Variants in BCAS3 observed in about 807,000 individuals in gnomAD.
BCAS3 encodes BCAS4/BCAS3 fusion.
A neutral mutation model predicts 116.1 loss-of-function variants in BCAS3; 53 were observed. The ratio of observed to expected loss-of-function variants is 0.46; its 90% CI spans 0.37 to 0.57. The LOEUF is 0.57. Among genes scored for constraint, BCAS3 ranks in the 20% least tolerant of loss-of-function variants. BCAS3 has a pLI of 0.00. For missense variants in BCAS3, 917 were observed against 1,165.4 expected, an observed-to-expected ratio of 0.79 and a Z score of 3.10; for synonymous variants, 391 against 408.2, an observed-to-expected ratio of 0.96 and a Z score of 0.51.
rs538595648 is a variant in BCAS3 at position 60,767,171 on chromosome 17, C to G, written c.403+19892C>G. On this transcript the variant is annotated intron_variant, in intron 6 of 23. Coordinates refer to ENST00000407086, the MANE Select transcript of BCAS3 (RefSeq NM_017679.5). ...CTTCCGGGGTGAGGCAATGCCCCAC[C>G]CTGCTTCGGCTCGCCCTCCGTGGGC... 1.3e-3 allele frequency among the ~76,000 whole-genome samples: 205 copies of G among 152,234 alleles called. 1 individual carries two copies. Among genetic ancestry groups the G allele is most frequent in the Non-Finnish European group, 5.3e-4 (36 of 68,020 alleles).
chr17:61,320,130 T>A (rs1222591015), intron 22 of BCAS3, among the ~76,000 whole-genome samples: 1 of 151,792 alleles, frequency 6.6e-6, no homozygotes, highest in Non-Finnish European at 1.5e-5. Flanking sequence ...CCTCAGGTGA[T>A]CCTCCCGCCT....
At chr17:61,260,836 C>A (rs1210150877) in intron 22 of BCAS3, among the ~76,000 whole-genome samples, 1 of 152,198 alleles carries the variant, frequency 6.6e-6, no homozygotes, top group East Asian at 1.9e-4. Context: ...TGTGGTTAAT[C>A]TTGGAAACAG....
intron 5 of BCAS3, among the ~76,000 whole-genome samples, chr17:60,729,664 A>G (rs909952849): frequency 2.0e-5 from 3 of 152,178 alleles, no homozygotes; most frequent in Admixed American, 6.5e-5. Flanking sequence ...TCTTTAATCA[A>G]TGGGTTAAAT....
intron 10 of BCAS3, among the ~76,000 whole-genome samples, chr17:60,894,762 GTT>G (rs1262774439): frequency 2.0e-5 from 3 of 152,092 alleles, no homozygotes; most frequent in Non-Finnish European, 4.4e-5. Flanking sequence ...TTTGTTAAGA[GTT>G]TTTATCATGA....
rs113060830 is a variant in BCAS3, at chr17:61,029,295, A to G, written c.1638-5371A>G. On this transcript the variant is annotated intron_variant, in intron 16 of 23. Transcript: ENST00000407086. The surrounding 1 kb of genome is among the most constrained non-coding windows in gnomAD (Gnocchi z 5.2). ...AACAGGTTTAGTCCTTTACATTCAT[A>G]TACTTTCAGATGAGTCGTTATAAAA... 2.6e-5 allele frequency among the ~76,000 whole-genome samples: 4 copies of G among 151,934 alleles called. No individual in the cohort carries two copies. The highest frequency in any genetic ancestry group is 9.7e-5 in the African/African-American group (4 of 41,412).
intron 23 of BCAS3, among the ~76,000 whole-genome samples, chr17:61,373,214 C>T (rs1172264245): frequency 4.0e-5 from 6 of 151,526 alleles, no homozygotes; most frequent in Admixed American, 6.6e-5. Context: ...CTCAGCTTCC[C>T]GAGTAACTGG....
intron 19 of BCAS3, among the ~76,000 whole-genome samples, chr17:61,049,794 G>A (rs1453232850): frequency 1.4e-5 from 2 of 144,946 alleles, no homozygotes; most frequent in Admixed American, 7.0e-5. Context: ...GTGCAATGGC[G>A]TGATCTCAGC....
At chr17:60,705,397 C>T (rs903528917) in intron 4 of BCAS3, among the ~76,000 whole-genome samples, 10 of 151,908 alleles carry the variant, frequency 6.6e-5, no homozygotes, top group Admixed American at 5.9e-4. Flanking sequence ...CGCCTGTAAT[C>T]CCAGCTACTT....
rs1415872365 is a variant in BCAS3, at chr17:61,087,017, G to A, written c.2425+2453G>A. 1.1e-4 allele frequency: 105 copies of A among 985,068 alleles called. No homozygotes were observed. The highest frequency in any genetic ancestry group is 1.2e-4 in the Non-Finnish European group (103 of 829,734). 61.0% of individuals were successfully genotyped at this position (985,068 alleles called of 1,614,324 possible). On this transcript the variant is annotated intron_variant, in intron 22 of 23. Coordinates refer to ENST00000407086, the MANE Select transcript of BCAS3 (RefSeq NM_017679.5). The surrounding 1 kb of genome is among the most constrained non-coding windows in gnomAD (Gnocchi z 4.6). ...ATCTAGGCTAACAAAAATCAAGGTA[G>A]CAAGTCTAACGAAATCGAGGCTAAA...
In BCAS3 at chr17:60,913,079, G is replaced by A. The variant is rs1383866053; in HGVS notation, c.993+2377G>A. Among the ~76,000 whole-genome samples the A allele has an allele frequency of 2.6e-5, 4 of 151,976 alleles. 1 individual carries two copies. Among genetic ancestry groups the A allele is most frequent in the South Asian group, 2.1e-4 (1 of 4,818 alleles). On this transcript the variant is annotated intron_variant, in intron 12 of 23. Transcript: ENST00000407086. Reference sequence around the variant, plus strand: ...AAGTTCATTAACTTTTTATGACCTTGAAAAAGGAAGTCTTAATTTTGGAGT... The same window carrying A: ...AAGTTCATTAACTTTTTATGACCTTAAAAAAGGAAGTCTTAATTTTGGAGT...
chr17:60,759,371 C>T (rs185585246), intron 6 of BCAS3, among the ~76,000 whole-genome samples: 3 of 152,278 alleles, frequency 2.0e-5, no homozygotes, highest in Admixed American at 6.5e-5. Flanking sequence ...ATGTTCTATA[C>T]GTGCCTGTTA....
chr17:61,356,206 C>T lies in BCAS3; in HGVS notation c.2426-12121C>T, dbSNP rs895108298. Among the ~76,000 whole-genome samples the T allele has an allele frequency of 6.6e-5, 10 of 152,140 alleles. No homozygotes were observed. Among genetic ancestry groups the T allele is most frequent in the African/African-American group, 2.2e-4 (9 of 41,418 alleles). The stretch of plus-strand genomic sequence containing the variant: ...ACGGGGTTTCACCGTGTTGGCCAGG[C>T]TGGTCTCGAACTCCTGACCTCAGGT... On this transcript the variant is annotated intron_variant, in intron 22 of 23. Transcript: ENST00000407086. This position sits in a 1 kb window ranked among gnomAD's most constrained non-coding sequence, Gnocchi z 5.4.
chr17:60,997,402 C>A (rs2063913511), intron 15 of BCAS3, among the ~76,000 whole-genome samples: 1 of 152,122 alleles, frequency 6.6e-6, no homozygotes, highest in South Asian at 2.1e-4. Context: ...ACAAGTCTTT[C>A]AGGGAGGATT....
chr17:61,345,159 A>G (rs991647089), intron 22 of BCAS3, among the ~76,000 whole-genome samples: 4 of 152,212 alleles, frequency 2.6e-5, no homozygotes, highest in Non-Finnish European at 5.9e-5. Flanking sequence ...TCCAGAATGT[A>G]TTCAGAGGGA....
intron 14 of BCAS3, among the ~76,000 whole-genome samples, chr17:60,984,310 G>A (rs752265815): frequency 6.6e-6 from 1 of 152,188 alleles, no homozygotes; most frequent in South Asian, 2.1e-4. Flanking sequence ...GTACTTTGAT[G>A]GCTACCTAGA....
In BCAS3 at chr17:61,007,745, G is replaced by C. The variant is rs2064818982; in HGVS notation, c.1487-8006G>C. On this transcript the variant is annotated intron_variant, in intron 15 of 23. Transcript: ENST00000407086. This position sits in a 1 kb window ranked among gnomAD's most constrained non-coding sequence, Gnocchi z 4.3. Reference sequence around the variant, plus strand: ...AGAAAGATTGGATTCTTGTTTTCAAGTCCATTTTGTGGGAGATTTCTCTAA... The same window carrying C: ...AGAAAGATTGGATTCTTGTTTTCAACTCCATTTTGTGGGAGATTTCTCTAA... Among the ~76,000 whole-genome samples the C allele has an allele frequency of 1.3e-5, 2 of 151,282 alleles. 1 individual carries two copies. The highest frequency in any genetic ancestry group is 2.9e-5 in the Non-Finnish European group (2 of 67,832).
In BCAS3 at chr17:61,312,981, G is replaced by A. The variant is rs147298157; in HGVS notation, c.2426-55346G>A. On this transcript the variant is annotated intron_variant, in intron 22 of 23. Transcript: ENST00000407086. ...AGAAATGTGTCTCCAAGCACTGCCA[G>A]CCTGTGAATAAGCACTTCCCAAGTG... is the stretch of plus-strand genomic sequence containing the variant. Among the ~76,000 whole-genome samples, 5 of 152,324 alleles carry A rather than the reference G, an allele frequency of 3.3e-5. No individual in the cohort carries two copies. In the East Asian group the frequency reaches 9.6e-4, roughly 29 times the overall value.
At chr17:61,369,642 A>G (rs1053078893) in intron 23 of BCAS3, among the ~76,000 whole-genome samples, 17 of 152,158 alleles carry the variant, frequency 1.1e-4, no homozygotes, top group African/African-American at 4.1e-4. Context: ...TCATCTCCAC[A>G]GCACTAGCTG....
intron 5 of BCAS3, among the ~76,000 whole-genome samples, chr17:60,742,876 G>A (rs2041703175): frequency 6.6e-6 from 1 of 151,910 alleles, no homozygotes; most frequent in Non-Finnish European, 1.5e-5. Context: ...CACTTTGGGA[G>A]GCCGAGGTGG....
Sources: allele counts gnomAD v4.1 joint callset (sites outside exome capture counted in the v4.1 genomes callset), GRCh38; gene constraint gnomAD v4.1.1; non-coding constraint Gnocchi (gnomAD v3.1); transcripts MANE v1.5; gene names NCBI Gene and HGNC (gene_info 2026-07-23, HGNC 2026-07-21).